Variants in CSTF3 observed in about 807,000 individuals in gnomAD.
The protein encoded by CSTF3 is cleavage stimulation factor subunit 3, also known as CF-1 77 kDa subunit.
Under a neutral mutation model 105.8 loss-of-function variants are expected in CSTF3, and 29 were observed. The ratio of observed to expected loss-of-function variants is 0.27; its 90% CI spans 0.20 to 0.37. The LOEUF (loss-of-function observed/expected upper bound fraction) is 0.37, where lower values mean the gene tolerates loss of function less well. CSTF3 is among the 10% of genes least tolerant of loss of function. The pLI, the probability that CSTF3 is intolerant of heterozygous loss-of-function variation, is 1.00. For synonymous variants in CSTF3, 252 were observed against 281.9 expected, an observed-to-expected ratio of 0.89 and a Z score of 1.06; for missense variants, 357 against 879.3, an observed-to-expected ratio of 0.41 and a Z score of 7.51.
At chr11:33,096,263 G>A (rs1855222068) in intron 15 of CSTF3, 43 bp downstream of exon 15, 2 of 1,269,606 alleles carry the variant, frequency 1.6e-6, no homozygotes, top group African/African-American at 1.6e-5. Context: ...ATTCCACATG[G>A]TTTAATATTA....
chr11:33,129,352 A>G (rs2133791587), intron 3 of CSTF3, among the ~76,000 whole-genome samples: 1 of 151,578 alleles, frequency 6.6e-6, no homozygotes, highest in East Asian at 1.9e-4. Flanking sequence ...TCAGCCTCCC[A>G]AAGTGCTGGG....
rs765598157 is a variant in CSTF3, at chr11:33,141,706, G to A, written c.186C>T (p.Pro62=). Residue 62 remains proline (P), a synonymous_variant, in exon 3 of 21, where the codon CCC becomes CCT. Coordinates refer to ENST00000323959, the MANE Select transcript of CSTF3 (RefSeq NM_001326.3). ...KTYERLVAQF[P]SSGRFWKLYI... is the part of the protein sequence containing the mutation. The stretch of plus-strand genomic sequence containing the variant: ...ACAGTTTCCAGAATCTGCCAGAACT[G>A]GGGAACTGGGCAACAAGGCGTTCAT... 2.1e-5 allele frequency: 34 copies of A among 1,611,984 alleles called. No individual in the cohort carries two copies. The highest frequency in any genetic ancestry group is 8.0e-5 in the African/African-American group (6 of 74,746).
At chr11:33,156,822 AT>A (rs748453191) in intron 1 of CSTF3, 29 of 373,646 alleles carry the variant, frequency 7.8e-5, no homozygotes, top group Admixed American at 1.4e-4. Flanking sequence ...TAAATAAATA[AT>A]TTTTTTTAAA....
chr11:33,129,763 TA>T (rs749094426), intron 3 of CSTF3, among the ~76,000 whole-genome samples: 10 of 152,200 alleles, frequency 6.6e-5, no homozygotes, highest in Non-Finnish European at 1.3e-4. Context: ...TTCTTACCCA[TA>T]AAAGTATCTT....
At chr11:33,158,038 A>T (rs1024623051) in intron 1 of CSTF3, among the ~76,000 whole-genome samples, 1 of 152,160 alleles carries the variant, frequency 6.6e-6, no homozygotes, top group Non-Finnish European at 1.5e-5. Context: ...TTTTAGTTGA[A>T]GCTGAATACA....
At chr11:33,123,960 A>G (rs1855519057) in intron 3 of CSTF3, among the ~76,000 whole-genome samples, 2 of 152,110 alleles carry the variant, frequency 1.3e-5, no homozygotes, top group African/African-American at 4.8e-5. Context: ...TAGGTGACAT[A>G]TAACTTTTGA....
rs144798247 is a variant in CSTF3 at position 33,125,387 on chromosome 11, ACT to A, written c.225+16278_225+16279del. Reference sequence around the variant, plus strand: ...TTTCCCTTCAAAGATTATTGTGGAAACTCTCTGAGGCGTAGGAAGAAGGTGCA... The same window carrying A: ...TTTCCCTTCAAAGATTATTGTGGAAACTCTGAGGCGTAGGAAGAAGGTGCA... On this transcript the variant is annotated intron_variant, in intron 3 of 20. Coordinates refer to ENST00000323959, the MANE Select transcript of CSTF3 (RefSeq NM_001326.3). 7.7e-4 allele frequency among the ~76,000 whole-genome samples: 117 copies of A among 152,030 alleles called. 2 individuals carry two copies. In the East Asian group the frequency reaches 0.02, roughly 26 times the overall value.
intron 18 of CSTF3, among the ~76,000 whole-genome samples, chr11:33,086,681 A>G (rs1855109168): frequency 6.6e-6 from 1 of 152,172 alleles, no homozygotes; most frequent in African/African-American, 2.4e-5. Context: ...CAGGTGATCC[A>G]CCTGCCTTGG....
At chr11:33,125,392 C>A (rs1855532342) in intron 3 of CSTF3, among the ~76,000 whole-genome samples, 1 of 152,142 alleles carries the variant, frequency 6.6e-6, no homozygotes, top group Non-Finnish European at 1.5e-5. Context: ...TGGAAACTCT[C>A]TGAGGCGTAG....
At chr11:33,124,802 C>T (rs1472015203) in intron 3 of CSTF3, among the ~76,000 whole-genome samples, 1 of 152,188 alleles carries the variant, frequency 6.6e-6, no homozygotes, top group Non-Finnish European at 1.5e-5. Flanking sequence ...ACAGAACTTT[C>T]AAGTTGACAG....
chr11:33,130,316 T>C (rs1855585707), intron 3 of CSTF3, among the ~76,000 whole-genome samples: 1 of 151,932 alleles, frequency 6.6e-6, no homozygotes, highest in South Asian at 2.1e-4. Flanking sequence ...CTACTAAAGA[T>C]ACAAAAATTA....
At chr11:33,151,569 T>A (rs1355818327) in intron 1 of CSTF3, among the ~76,000 whole-genome samples, 1 of 152,230 alleles carries the variant, frequency 6.6e-6, no homozygotes, top group African/African-American at 2.4e-5. Flanking sequence ...TATTCCATTA[T>A]GTGCATATCC....
intron 18 of CSTF3, among the ~76,000 whole-genome samples, chr11:33,086,390 A>G (rs1855105507): frequency 6.6e-6 from 1 of 152,114 alleles, no homozygotes; most frequent in Non-Finnish European, 1.5e-5. Context: ...CAAATCTATC[A>G]GTGAAGAAAG....
At chr11:33,140,885 G>GA (rs1855703971) in intron 3 of CSTF3, 1 of 151,916 alleles carries the variant, frequency 6.6e-6, no homozygotes, top group Non-Finnish European at 1.5e-5. Flanking sequence ...TTAATAACCT[G>GA]AAAATGACTA....
intron 1 of CSTF3, among the ~76,000 whole-genome samples, chr11:33,146,623 T>TA (rs5790915): frequency 0.32 from 45,462 of 143,894 alleles, 8,615 homozygotes; most frequent in African/African-American, 0.54. Context: ...TGTAGTCACT[T>TA]AAAAAAAAAA....
rs531461275 is a variant in CSTF3, at chr11:33,156,660, G to A, written c.27+4639C>T. The A allele has an allele frequency of 4.7e-4, 212 of 451,646 alleles. 1 individual carries two copies. The highest frequency in any genetic ancestry group is 3.3e-3 in the South Asian group (210 of 64,058). The allele number at this position is 451,646 out of a possible 1,614,324, so 28.0% of individuals were successfully genotyped here. A position where few individuals can be genotyped will look rare whatever the true frequency, so the allele number is the denominator to read the frequency against. ...TGTATTTTAGGCCTTCCAAATTCTA[G>A]GATAAGTTATACATTATTTAAAAGG... On this transcript the variant is annotated intron_variant, in intron 1 of 20. Coordinates refer to ENST00000323959, the MANE Select transcript of CSTF3 (RefSeq NM_001326.3).
In CSTF3 at chr11:33,098,763, C is replaced by G; in HGVS notation, c.1055G>C (p.Ser352Thr). The change falls in exon 13 of 21, where the codon AGT becomes ACT. Residue 352 changes from serine to threonine, a missense_variant and splice_region_variant. Ser to Thr is a moderately conservative substitution (Grantham distance 58, BLOSUM62 1). Coordinates refer to ENST00000323959, the MANE Select transcript of CSTF3 (RefSeq NM_001326.3). ...GTGAACCTTTTCATACTTCATGCGA[C>G]TCTAAGGTGGTACAGAAGAAGTGAG... is the stretch of plus-strand genomic sequence containing the variant. ...LYFAYADYEE[S>T]RMKYEKVHSI... 6.6e-7 allele frequency: 1 copy of G among 1,525,624 alleles called. No homozygotes were observed. Among genetic ancestry groups the G allele is most frequent in the Non-Finnish European group, 8.7e-7 (1 of 1,145,556 alleles). The allele number at this position is 1,525,624 out of a possible 1,614,324, so 94.5% of individuals were successfully genotyped here.
chr11:33,100,176 G>A (rs1299657971), intron 10 of CSTF3, among the ~76,000 whole-genome samples: 4 of 152,098 alleles, frequency 2.6e-5, no homozygotes, highest in Admixed American at 1.3e-4. Flanking sequence ...CTAACATGGT[G>A]AAACCCTGTC....
chr11:33,102,336 A>T lies in CSTF3; in HGVS notation c.667T>A (p.Tyr223Asn). 6.2e-7 allele frequency: 1 copy of T among 1,613,880 alleles called. No homozygotes were observed. Among genetic ancestry groups the T allele is most frequent in the Non-Finnish European group, 8.5e-7 (1 of 1,179,854 alleles). The change falls in exon 10 of 21, where the codon TAT becomes AAT. Residue 223 changes from tyrosine (Y) to asparagine (N), a missense_variant. Physicochemically the swap from Tyr to Asn is moderately radical, Grantham distance 143. Around this residue, in one of 4 missense-constraint regions of CSTF3, gnomAD observed 206 missense variants for 576.5 expected, o/e 0.36. Transcript: ENST00000323959. ...YMNARRVAKEYETVMKGLDRN... is the reference protein window; with the variant it reads ...YMNARRVAKENETVMKGLDRN... ...TCCAAGCCTTTCATTACTGTCTCAT[A>T]TTCCTAGACAACAAGGATTTAGAAT...
Sources: allele counts gnomAD v4.1 joint callset (sites outside exome capture counted in the v4.1 genomes callset), GRCh38; gene constraint gnomAD v4.1.1; regional missense constraint gnomAD v4.1.1; transcripts MANE v1.5; gene names NCBI Gene and HGNC (gene_info 2026-07-23, HGNC 2026-07-21).